The following HCFC1 variants were observed in gnomAD, a reference collection of about 807,000 sequenced individuals.
HCFC1 encodes the protein host cell factor 1.
Under a neutral mutation model 105.5 loss-of-function variants are expected in HCFC1, and 7 were observed. The ratio of observed to expected loss-of-function variants is 0.07; its 90% CI spans 0.04 to 0.12. HCFC1 has a LOEUF of 0.12. HCFC1 is among the 10% of genes least tolerant of loss of function. The probability of loss-of-function intolerance (pLI) is 1.00; values close to 1 mark genes in which losing one functional copy is unlikely to be tolerated. For missense variants in HCFC1, 1,065 were observed against 1,823.6 expected, an observed-to-expected ratio of 0.58 and a Z score of 7.58; for synonymous variants, 918 against 828.1, an observed-to-expected ratio of 1.11 and a Z score of -1.86.
intron 3 of HCFC1, 82 bp downstream of exon 3, chrX:153,964,042 C>A (rs1253150571): frequency 1.1e-6 from 1 of 888,593 alleles, no homozygotes; most frequent in African/African-American, 2.0e-5. Context: ...CTGCTGCGCA[C>A]ATTCTTTAGG....
chrX:153,956,339 C>T lies in HCFC1; in HGVS notation c.2708G>A (p.Ser903Asn). 1 of 1,212,235 alleles carries T rather than the reference C, an allele frequency of 8.2e-7. No individual in the cohort carries two copies. Among genetic ancestry groups the T allele is most frequent in the South Asian group, 1.8e-5 (1 of 57,057 alleles). ...SLAGAGGHST[S>N]ASLATPITTL... ...GGTGATGGGCGTGGCCAGGGAAGCA[C>T]TAGTGCTGTGGCCCCCCGCCCCGGC... Residue 903 changes from serine (S) to asparagine (N), a missense_variant, in exon 16 of 26, where the codon AGT becomes AAT. This residue lies in a region of HCFC1 where 137 missense variants were observed against 378.2 expected (regional missense o/e 0.36). Transcript: ENST00000310441.
chrX:153,954,434 C>A lies in HCFC1; in HGVS notation c.3965G>T (p.Cys1322Phe). The change falls in exon 17 of 26, where the codon TGC (cysteine) becomes TTC (phenylalanine). Residue 1322 changes from cysteine to phenylalanine, a missense_variant. Coordinates refer to ENST00000310441, the MANE Select transcript of HCFC1 (RefSeq NM_005334.3). ...SAQRVCSNPP[C>F]ETHETGTTHT... ...GGTGGTGCCCGTCTCGTGGGTCTCG[C>A]ATGGCGGGTTGGAGCACACCCTCTG... is the stretch of plus-strand genomic sequence containing the variant. The A allele has an allele frequency of 8.3e-7, 1 of 1,211,673 alleles. No homozygotes were observed. Among genetic ancestry groups the A allele is most frequent in the South Asian group, 1.8e-5 (1 of 57,003 alleles).
chrX:153,968,630 G>A (rs1557119037), intron 1 of HCFC1, among the ~76,000 whole-genome samples: 1 of 112,538 alleles, frequency 8.9e-6, no homozygotes, highest in African/African-American at 3.2e-5. Flanking sequence ...TTGCAGACTG[G>A]TAATGAATTC....
Position 153,954,389 on chromosome X carries a change from G to A in HCFC1, c.4010C>T (p.Thr1337Ile), listed in dbSNP as rs1251147545. Residue 1337 changes from threonine to isoleucine, a missense_variant, in exon 17 of 26, where the codon ACT (threonine) becomes ATT (isoleucine). Around this residue, in one of 17 missense-constraint regions of HCFC1, gnomAD observed 546 missense variants for 599.9 expected, o/e 0.91. Coordinates refer to ENST00000310441, the MANE Select transcript of HCFC1 (RefSeq NM_005334.3). ...GGGCTGGCCCGTGCCCCCGTTTGAAGTAGCGGTGGTGGCCGTGTGGGTGGT... is the reference window on the plus strand; with the variant it reads ...GGGCTGGCCCGTGCCCCCGTTTGAAATAGCGGTGGTGGCCGTGTGGGTGGT... ...TGTTHTATTA[T>I]SNGGTGQPEG... The A allele has an allele frequency of 1.7e-6, 2 of 1,208,767 alleles. No individual in the cohort carries two copies. The highest frequency in any genetic ancestry group is 5.9e-5 in the East Asian group (2 of 33,725).
rs2065533180 is a variant in HCFC1, at chrX:153,971,443, ATGGAGGCG to A, written c.-611_-604del. The A allele has an allele frequency of 3.4e-6, 1 of 292,466 alleles. No homozygotes were observed. Among genetic ancestry groups the A allele is most frequent in the Non-Finnish European group, 6.0e-6 (1 of 167,327 alleles). 24.1% of individuals were successfully genotyped at this position (292,466 alleles called of 1,213,427 possible). A position where few individuals can be genotyped will look rare whatever the true frequency, so the allele number is the denominator to read the frequency against. Reference sequence around the variant, plus strand: ...GAAACAGCCTCGACACACCTAACGAATGGAGGCGGGCCGGAGGCCGGTGGAACCAGCTC... The same window carrying A: ...GAAACAGCCTCGACACACCTAACGAAGGCCGGAGGCCGGTGGAACCAGCTC... On this transcript the variant is annotated 5_prime_UTR_variant, in exon 1 of 26. Transcript: ENST00000310441.
chrX:153,961,458 G>T (rs1171064051), intron 6 of HCFC1, 84 bp downstream of exon 6: 2 of 638,453 alleles, frequency 3.1e-6, no homozygotes, highest in Non-Finnish European at 5.0e-6. Flanking sequence ...CTTGCTCCCC[G>T]CACACCCCAC....
chrX:153,962,660 T>C (rs1049938297), intron 4 of HCFC1, among the ~76,000 whole-genome samples: 17 of 112,333 alleles, frequency 1.5e-4, no homozygotes, highest in Non-Finnish European at 3.2e-4. Context: ...TGGCAAACTG[T>C]TGGAAAATTC....
rs1472047822 is a variant in HCFC1, at chrX:153,955,678, T to C, written c.2857-136A>G. 3 of 607,675 alleles carry C rather than the reference T, an allele frequency of 4.9e-6. No individual in the cohort carries two copies. In the African/African-American group the frequency reaches 6.9e-5, roughly 14 times the overall value. 50.1% of individuals were successfully genotyped at this position (607,675 alleles called of 1,213,427 possible). The stretch of plus-strand genomic sequence containing the variant: ...CGGCCCTGGCAGACGTAAGACCCAC[T>C]CACCCCTGCCCCCAAGACACTGACT... On this transcript the variant is annotated intron_variant, in intron 16 of 25. Transcript: ENST00000310441.
In HCFC1 at chrX:153,952,988, T is replaced by A. The variant is rs782455057; in HGVS notation, c.4498-30A>T. 4.5e-6 allele frequency: 5 copies of A among 1,117,385 alleles called. No homozygotes were observed. In the East Asian group the frequency reaches 1.6e-4, roughly 36 times the overall value. The allele number at this position is 1,117,385 out of a possible 1,213,427, so 92.1% of individuals were successfully genotyped here. A position where few individuals can be genotyped will look rare whatever the true frequency, so the allele number is the denominator to read the frequency against. On this transcript the variant is annotated intron_variant, in intron 18 of 25. Coordinates refer to ENST00000310441, the MANE Select transcript of HCFC1 (RefSeq NM_005334.3). ...AGGATGTCAACAGCAGAGAAGGGCA[T>A]GTCAGAAGTTTCTGTGTTGGCTATG... is the stretch of plus-strand genomic sequence containing the variant.
At position 153,954,541 on chromosome X, in the gene HCFC1, G is replaced by T. The variant is rs1475324456; in HGVS notation, c.3858C>A (p.Thr1286=). ...CACATGGTGGGTTGGAGCAGACTTG[G>T]GTCACGGTGGCCGAGGGGCACAGCA... is the stretch of plus-strand genomic sequence containing the variant. ...EALLCPSATV[T]QVCSNPPCET... The change falls in exon 17 of 26, where the codon ACC becomes ACA. Residue 1286 remains threonine (T), a synonymous_variant. Coordinates refer to ENST00000310441, the MANE Select transcript of HCFC1 (RefSeq NM_005334.3). 3 of 1,209,980 alleles carry T rather than the reference G, an allele frequency of 2.5e-6. No homozygotes were observed. The highest frequency in any genetic ancestry group is 3.4e-6 in the Non-Finnish European group (3 of 894,868).
At position 153,956,427 on chromosome X, in the gene HCFC1, C is replaced by A. The variant is rs782607911; in HGVS notation, c.2636-16G>T. 8 of 1,196,143 alleles carry A rather than the reference C, an allele frequency of 6.7e-6. No homozygotes were observed. The highest frequency in any genetic ancestry group is 9.1e-6 in the Non-Finnish European group (8 of 882,766). Reference sequence around the variant, plus strand: ...GTCGTGACACCTGAAGGAAAGGAGGCAAGAGTTGGGCCAAGGCTGCTGCTG... The same window carrying A: ...GTCGTGACACCTGAAGGAAAGGAGGAAAGAGTTGGGCCAAGGCTGCTGCTG... On this transcript the variant is annotated splice_polypyrimidine_tract_variant and intron_variant, in intron 15 of 25. Coordinates refer to ENST00000310441, the MANE Select transcript of HCFC1 (RefSeq NM_005334.3).
At position 153,968,519 on chromosome X, in the gene HCFC1, T is replaced by C. The variant is rs781923245; in HGVS notation, c.193+2129A>G. Among the ~76,000 whole-genome samples the C allele has an allele frequency of 2.7e-4, 30 of 112,358 alleles. No individual in the cohort carries two copies. The South Asian group carries it at 0.01, about 38-fold the overall frequency. The stretch of plus-strand genomic sequence containing the variant: ...CCAGCTGCTCTCTCGTCTGAGGAAT[T>C]GCCGATGACAGTTTCCAAACTGCTA... On this transcript the variant is annotated intron_variant, in intron 1 of 25. Coordinates refer to ENST00000310441, the MANE Select transcript of HCFC1 (RefSeq NM_005334.3).
At chrX:153,951,749 C>T (rs1242525678) in intron 20 of HCFC1, 42 bp from the exon 21 acceptor site, 13 of 1,182,488 alleles carry the variant, frequency 1.1e-5, no homozygotes, top group Non-Finnish European at 1.5e-5. Context: ...CTCGGGAAAC[C>T]TGGCTCCCAA....
Position 153,955,426 on chromosome X carries a change from G to T in HCFC1, c.2973C>A (p.Thr991=). ...ILASPTTEQP[T]ATVTIADSGQ... is the part of the protein sequence containing the mutation. ...CTGAGTCGGCGATGGTAACTGTGGC[G>T]GTGGGCTGTTCTGTAGTCGGGGAGG... Residue 991 remains threonine, a synonymous_variant, in exon 17 of 26, where the codon ACC becomes ACA. Transcript: ENST00000310441. The T allele has an allele frequency of 8.3e-7, 1 of 1,211,021 alleles. No homozygotes were observed. Among genetic ancestry groups the T allele is most frequent in the Non-Finnish European group, 1.1e-6 (1 of 894,922 alleles).
Position 153,959,860 on chromosome X carries a change from C to G in HCFC1, c.1386G>C (p.Gln462His). The G allele has an allele frequency of 8.4e-7, 1 of 1,192,587 alleles. No homozygotes were observed. Among genetic ancestry groups the G allele is most frequent in the Non-Finnish European group, 1.1e-6 (1 of 883,771 alleles). Residue 462 changes from glutamine (Q) to histidine (H), a missense_variant, in exon 8 of 26, where the codon CAG (glutamine) becomes CAC (histidine). Transcript: ENST00000310441. The part of the protein sequence containing the change: ...APAPPTTTTI[Q>H]VLPTVPGSSI... ...AGCTGCCAGGCACCGTTGGCAAGAC[C>G]TGGATGGTGGTGGTGGTCGGGGGTG...
At chrX:153,961,457 C>T (rs1425478866) in intron 6 of HCFC1, 85 bp downstream of exon 6, 5 of 639,488 alleles carry the variant, frequency 7.8e-6, no homozygotes, top group East Asian at 3.5e-5. Flanking sequence ...GCTTGCTCCC[C>T]GCACACCCCA....
At position 153,957,023 on chromosome X, in the gene HCFC1, G is replaced by A. The variant is rs1557115218; in HGVS notation, c.2391C>T (p.Thr797=). ...AAGTCATCACCTTGGTGGTGATGAT[G>A]GTGATGGGGGACTTGATGCCAGGAC... ...TSSPGIKSPI[T]IITTKVMTSG... is the part of the protein sequence containing the mutation. The change falls in exon 14 of 26, where the codon ACC becomes ACT. Residue 797 remains threonine (T), a synonymous_variant. Transcript: ENST00000310441. 1 of 1,209,673 alleles carries A rather than the reference G, an allele frequency of 8.3e-7. No individual in the cohort carries two copies. The highest frequency in any genetic ancestry group is 1.1e-6 in the Non-Finnish European group (1 of 894,503).
chrX:153,959,331 C>T lies in HCFC1; in HGVS notation c.1605G>A (p.Thr535=). 2.5e-6 allele frequency: 3 copies of T among 1,201,068 alleles called. No individual in the cohort carries two copies. Among genetic ancestry groups the T allele is most frequent in the Non-Finnish European group, 3.4e-6 (3 of 891,524 alleles). Residue 535 remains threonine, a splice_region_variant and synonymous_variant, in exon 9 of 26, where the codon ACG becomes ACA. Transcript: ENST00000310441. ...ACCCGCCCCAGTGACCACTCCTCAC[C>T]GTTCCCTGGGCACTCTGTGTTGGCA... ...MVVPTQSAQG[T]VIGSSPQMSG...
intron 23 of HCFC1, 128 bp from the exon 24 acceptor site, chrX:153,950,671 A>G (rs962420404): frequency 1.0e-5 from 9 of 871,078 alleles, no homozygotes; most frequent in Non-Finnish European, 1.5e-5. Flanking sequence ...AGGAGCTTCA[A>G]AGAGATCTTC....
Sources: gnomAD v4.1 joint callset for allele counts (sites outside exome capture counted in the v4.1 genomes callset) on GRCh38, gnomAD v4.1.1 for gene constraint, gnomAD v4.1.1 regional missense constraint, MANE v1.5 for transcripts, NCBI Gene and HGNC (gene_info 2026-07-23, HGNC 2026-07-21) for gene names.